MARCHF6: variants seen among roughly 807,000 people sequenced by gnomAD.
MARCHF6 encodes the protein membrane associated ring-CH-type finger 6, also known as E3 ubiquitin-protein ligase MARCHF6.
Under a neutral mutation model 133.7 loss-of-function variants are expected in MARCHF6, and 31 were observed. The ratio of observed to expected loss-of-function variants is 0.23; its 90% confidence interval spans 0.17 to 0.31. The LOEUF (loss-of-function observed/expected upper bound fraction) is 0.31, where lower values mean the gene tolerates loss of function less well. MARCHF6 is among the 10% of genes least tolerant of loss of function. The pLI is 1.00. For missense variants in MARCHF6, 723 were observed against 1,121.6 expected, an observed-to-expected ratio of 0.64 and a Z score of 5.08; for synonymous variants, 395 against 402.5, an observed-to-expected ratio of 0.98 and a Z score of 0.22.
rs142231808 is a variant in MARCHF6, at chr5:10,430,136, C to T, written c.2642+108C>T. ...GAAACATGCTCAGATTCTGGATATA[C>T]TTGGAGGTGGGATTAGCAAGGTTTG... is the stretch of plus-strand genomic sequence containing the variant. On this transcript the variant is annotated intron_variant, in intron 25 of 25. Transcript: ENST00000274140. 5 of 1,303,860 alleles carry T rather than the reference C, an allele frequency of 3.8e-6. No individual in the cohort carries two copies. In the Admixed American group the frequency reaches 9.2e-5, roughly 24 times the overall value. 80.8% of individuals were successfully genotyped at this position (1,303,860 alleles called of 1,614,324 possible). A position where few individuals can be genotyped will look rare whatever the true frequency, so the allele number is the denominator to read the frequency against.
At chr5:10,422,042 G>A (rs1739851070) in intron 22 of MARCHF6, 1 of 152,224 alleles carries the variant, frequency 6.6e-6, no homozygotes, top group Non-Finnish European at 1.5e-5. Context: ...GAAATACACG[G>A]ACGCCGAGTG....
chr5:10,372,096 G>A (rs910373075), intron 1 of MARCHF6, among the ~76,000 whole-genome samples: 1 of 151,332 alleles, frequency 6.6e-6, no homozygotes, highest in Non-Finnish European at 1.5e-5. Flanking sequence ...ATAGAGACAT[G>A]GAAGATCAAA....
At chr5:10,396,808 A>T (rs1738218442) in intron 9 of MARCHF6, among the ~76,000 whole-genome samples, 1 of 152,208 alleles carries the variant, frequency 6.6e-6, no homozygotes, top group South Asian at 2.1e-4. Context: ...GGACCAGAGG[A>T]GATCAAGCTA....
rs1403864824 is a variant in MARCHF6 at position 10,434,767 on chromosome 5, A to G, written c.*1083A>G. The G allele has an allele frequency of 1.3e-5, 2 of 152,622 alleles. No homozygotes were observed. Among genetic ancestry groups the G allele is most frequent in the Non-Finnish European group, 2.9e-5 (2 of 68,026 alleles). The allele number at this position is 152,622 out of a possible 1,614,324, so 9.5% of individuals were successfully genotyped here. A position where few individuals can be genotyped will look rare whatever the true frequency, so the allele number is the denominator to read the frequency against. ...AGGTGTGCATTTCTCCTAGCTTTTCATCAGGAAATCCCAAAGTTTCCAAAG... is the reference window on the plus strand; with the variant it reads ...AGGTGTGCATTTCTCCTAGCTTTTCGTCAGGAAATCCCAAAGTTTCCAAAG... On this transcript the variant is annotated 3_prime_UTR_variant, in exon 26 of 26. Coordinates refer to ENST00000274140, the MANE Select transcript of MARCHF6 (RefSeq NM_005885.4).
Position 10,402,385 on chromosome 5 carries a change from G to T in MARCHF6, c.1055G>T (p.Gly352Val). 6.2e-7 allele frequency: 1 copy of T among 1,613,796 alleles called. No individual in the cohort carries two copies. Among genetic ancestry groups the T allele is most frequent in the Non-Finnish European group, 8.5e-7 (1 of 1,179,756 alleles). ...LLAITLIICH[G>V]LATLVKFHRS... ...TTTTTCCTTGACCTGATGCTGTAGGGCTTGGCAACTCTTGTGAAATTTCAT... is the reference window on the plus strand; with the variant it reads ...TTTTTCCTTGACCTGATGCTGTAGGTCTTGGCAACTCTTGTGAAATTTCAT... Residue 352 changes from glycine to valine, a missense_variant and splice_region_variant, in exon 13 of 26, where the codon GGC becomes GTC. Transcript: ENST00000274140.
intron 19 of MARCHF6, among the ~76,000 whole-genome samples, chr5:10,412,941 G>A (rs904808329): frequency 6.6e-6 from 1 of 152,056 alleles, no homozygotes; most frequent in African/African-American, 2.4e-5. Context: ...AGAGATGAGG[G>A]GCCATGGGAG....
intron 15 of MARCHF6, among the ~76,000 whole-genome samples, chr5:10,403,818 C>T (rs1485120416): frequency 1.3e-5 from 2 of 152,096 alleles, no homozygotes; most frequent in African/African-American, 4.8e-5. Context: ...TGTCACACTT[C>T]GTATATACTT....
chr5:10,424,165 C>T (rs993520807), intron 23 of MARCHF6, among the ~76,000 whole-genome samples: 4 of 152,004 alleles, frequency 2.6e-5, no homozygotes, highest in African/African-American at 9.7e-5. Context: ...TGAATTCCAA[C>T]GAATCTTCAA....
At chr5:10,376,817 C>T (rs888004154) in intron 1 of MARCHF6, among the ~76,000 whole-genome samples, 11 of 152,148 alleles carry the variant, frequency 7.2e-5, no homozygotes, top group African/African-American at 2.2e-4. Context: ...GTCAGAGACC[C>T]GTTAAGTGCA....
intron 9 of MARCHF6, among the ~76,000 whole-genome samples, chr5:10,396,902 A>G (rs910208763): frequency 2.6e-5 from 4 of 152,244 alleles, no homozygotes; most frequent in African/African-American, 9.6e-5. Context: ...GAAACACTGC[A>G]GTTGACGTTA....
At chr5:10,369,171 A>T (rs978155834) in intron 1 of MARCHF6, among the ~76,000 whole-genome samples, 1 of 152,190 alleles carries the variant, frequency 6.6e-6, no homozygotes, top group Non-Finnish European at 1.5e-5. Context: ...CTCATATTTC[A>T]TTGACCAAAG....
At chr5:10,420,766 A>G (rs1739784072) in intron 22 of MARCHF6, among the ~76,000 whole-genome samples, 2 of 152,240 alleles carry the variant, frequency 1.3e-5, no homozygotes, top group South Asian at 2.1e-4. Context: ...GAAATGACCA[A>G]ACATTCCCCT....
In MARCHF6 at chr5:10,412,150, C is replaced by CT. The variant is rs1407919193; in HGVS notation, c.1896+620dup. On this transcript the variant is annotated intron_variant, in intron 19 of 25. Coordinates refer to ENST00000274140, the MANE Select transcript of MARCHF6 (RefSeq NM_005885.4). The stretch of plus-strand genomic sequence containing the variant: ...TATTTAACCTCTCAGCCTCACATTT[C>CT]TTTTTTTGTAAAAATAGTCATTATT... Among the ~76,000 whole-genome samples the CT allele has an allele frequency of 4.6e-5, 7 of 152,264 alleles. No individual in the cohort carries two copies. The East Asian group carries it at 1.3e-3, about 29-fold the overall frequency.
intron 3 of MARCHF6, among the ~76,000 whole-genome samples, chr5:10,380,156 TGTGTGTG>T (rs1737044967): frequency 2.4e-5 from 1 of 41,840 alleles, no homozygotes; most frequent in East Asian, 6.0e-3. Context: ...GTGTTTTAGT[TGTGTGTG>T]TGTGTGTGTG....
chr5:10,390,249 TTAGTA>T (rs1737742659), intron 5 of MARCHF6, 78 bp from the exon 6 acceptor site: 7 of 1,122,684 alleles, frequency 6.2e-6, no homozygotes, highest in Non-Finnish European at 7.7e-6. Context: ...TTCTGAGACT[TTAGTA>T]TAAGAAAATT....
intron 1 of MARCHF6, among the ~76,000 whole-genome samples, chr5:10,366,699 A>G (rs951401894): frequency 2.0e-5 from 3 of 152,242 alleles, no homozygotes; most frequent in Non-Finnish European, 2.9e-5. Context: ...TTTATTGGGT[A>G]GAAAGAGCAG....
At chr5:10,400,967 A>G (rs1579583063) in intron 11 of MARCHF6, 125 bp downstream of exon 11, 3 of 690,212 alleles carry the variant, frequency 4.3e-6, no homozygotes, top group East Asian at 2.7e-5. Context: ...TAGTTAGGCA[A>G]TACCGTCTCA....
chr5:10,434,721 G>T lies in MARCHF6; in HGVS notation c.*1037G>T, dbSNP rs979320933. The T allele has an allele frequency of 2.2e-4, 34 of 152,726 alleles. No individual in the cohort carries two copies. Among genetic ancestry groups the T allele is most frequent in the African/African-American group, 7.7e-4 (32 of 41,546 alleles). 9.5% of individuals were successfully genotyped at this position (152,726 alleles called of 1,614,324 possible). A position where few individuals can be genotyped will look rare whatever the true frequency, so the allele number is the denominator to read the frequency against. On this transcript the variant is annotated 3_prime_UTR_variant, in exon 26 of 26. Transcript: ENST00000274140. Reference sequence around the variant, plus strand: ...TTAGAACATCTGGTCTCGCTGGTTAGTGCCTCGTTGGCTGAGGACTAGGTG... The same window carrying T: ...TTAGAACATCTGGTCTCGCTGGTTATTGCCTCGTTGGCTGAGGACTAGGTG...
At chr5:10,427,050 G>C (rs556056068) in intron 24 of MARCHF6, among the ~76,000 whole-genome samples, 4 of 152,112 alleles carry the variant, frequency 2.6e-5, no homozygotes, top group Admixed American at 1.3e-4. Context: ...TTCTTCTCCA[G>C]AATTCCGTCT....
Sources: allele counts gnomAD v4.1 joint callset (sites outside exome capture counted in the v4.1 genomes callset), GRCh38; gene constraint gnomAD v4.1.1; transcripts MANE v1.5; gene names NCBI Gene and HGNC (gene_info 2026-07-23, HGNC 2026-07-21).